The following MYO18A variants were observed in gnomAD, a reference collection of about 807,000 sequenced individuals.
The protein encoded by MYO18A is unconventional myosin-XVIIIa.
A neutral mutation model predicts 235.8 loss-of-function variants in MYO18A; 78 were observed. That is an observed-to-expected ratio of 0.33 (90% CI 0.28 to 0.40). The LOEUF (loss-of-function observed/expected upper bound fraction) is 0.40. Among genes scored for constraint, MYO18A ranks in the 10% least tolerant of loss-of-function variants. The pLI is 1.00. For missense variants in MYO18A, 2,215 were observed against 2,699.3 expected, an observed-to-expected ratio of 0.82 and a Z score of 3.98; for synonymous variants, 977 against 1,077.8, an observed-to-expected ratio of 0.91 and a Z score of 1.83.
At chr17:29,153,825 C>T (rs1053375987) in intron 2 of MYO18A, among the ~76,000 whole-genome samples, 8 of 152,084 alleles carry the variant, frequency 5.3e-5, no homozygotes, top group Non-Finnish European at 1.2e-4. Flanking sequence ...AGAAAATGGG[C>T]GGGACAAAGG....
At position 29,117,707 on chromosome 17, in the gene MYO18A, G is replaced by T. The variant is rs966040091; in HGVS notation, c.2038+338C>A. ...TCAGTTACCCGCTTGCTCCTCGGGG[G>T]CCTCTGTCAGGAAGGGAACAAGAAG... On this transcript the variant is annotated intron_variant, in intron 10 of 41. Coordinates refer to ENST00000527372, the MANE Select transcript of MYO18A (RefSeq NM_078471.4). The surrounding 1 kb of genome is among the most constrained non-coding windows in gnomAD (Gnocchi z 4.6). 4.6e-5 allele frequency among the ~76,000 whole-genome samples: 7 copies of T among 152,166 alleles called. No homozygotes were observed. Among genetic ancestry groups the T allele is most frequent in the Non-Finnish European group, 1.0e-4 (7 of 68,016 alleles).
At chr17:29,137,188 G>T (rs966208711) in intron 2 of MYO18A, 2 of 152,220 alleles carry the variant, frequency 1.3e-5, no homozygotes, top group Non-Finnish European at 2.9e-5. Flanking sequence ...CTGTTTGTGC[G>T]TCTTTGTCAT....
intron 2 of MYO18A, among the ~76,000 whole-genome samples, chr17:29,155,049 G>C (rs571101170): frequency 1.3e-5 from 2 of 152,288 alleles, no homozygotes; most frequent in Admixed American, 1.3e-4. Context: ...GTGTCACGGA[G>C]AGTCATGACA....
Position 29,115,438 on chromosome 17 carries a change from G to A in MYO18A, c.2231C>T (p.Pro744Leu), listed in dbSNP as rs370690699. The A allele has an allele frequency of 2.2e-5, 36 of 1,613,144 alleles. No homozygotes were observed. Among genetic ancestry groups the A allele is most frequent in the East Asian group, 1.3e-4 (6 of 44,888 alleles). The change falls in exon 13 of 42, where the codon CCG becomes CTG. Residue 744 changes from proline (P) to leucine (L), a missense_variant. Coordinates refer to ENST00000527372, the MANE Select transcript of MYO18A (RefSeq NM_078471.4). ...EESGLGDGTG[P>L]KLSALECLEG... ...AAGGCACTCCAGTGCACTCAGTTTC[G>A]GGCCTGTGGGGCAGGGGGAGCAGCG...
At chr17:29,081,167 T>A (rs533792703) in intron 41 of MYO18A, among the ~76,000 whole-genome samples, 1 of 151,904 alleles carries the variant, frequency 6.6e-6, no homozygotes, top group South Asian at 2.1e-4. Context: ...CCTGGCAAAG[T>A]GGTGGTGAGA....
At chr17:29,153,076 T>C (rs532015765) in intron 2 of MYO18A, among the ~76,000 whole-genome samples, 1 of 152,294 alleles carries the variant, frequency 6.6e-6, no homozygotes, top group Admixed American at 6.5e-5. Context: ...TATGTATTGA[T>C]TCATTTAATC....
intron 21 of MYO18A, among the ~76,000 whole-genome samples, chr17:29,101,945 C>T (rs1003680675): frequency 1.3e-5 from 2 of 152,168 alleles, no homozygotes; most frequent in African/African-American, 4.8e-5. Flanking sequence ...CTGAGCCCCC[C>T]CAGAGTCCTT....
intron 35 of MYO18A, 56 bp downstream of exon 35, chr17:29,090,754 A>G (rs1024612274): frequency 6.4e-7 from 1 of 1,554,606 alleles, no homozygotes; most frequent in African/African-American, 1.4e-5. Flanking sequence ...ACCCATGAGG[A>G]GGACCACAAG....
At chr17:29,089,419 C>CAAAAA (rs56389977) in intron 37 of MYO18A, among the ~76,000 whole-genome samples, 1 of 23,808 alleles carries the variant, frequency 4.2e-5, no homozygotes, top group Non-Finnish European at 7.5e-5. Context: ...GACTCTGTCT[C>CAAAAA]AAAAAAAAAA....
rs2067043319 is a variant in MYO18A at position 29,115,706 on chromosome 17, A to G, written c.2185T>C (p.Phe729Leu). ...KGGTLQRSTS[F>L]RQGPEESGLG... Reference sequence around the variant, plus strand: ...CCACTCTCCTCGGGGCCCTGGCGGAAGGAGGTGGAGCGCTGCAGGGTGCCA... The same window carrying G: ...CCACTCTCCTCGGGGCCCTGGCGGAGGGAGGTGGAGCGCTGCAGGGTGCCA... Residue 729 changes from phenylalanine to leucine, a missense_variant, in exon 12 of 42, where the codon TTC (phenylalanine) becomes CTC (leucine). By Grantham distance (22) the Phe-to-Leu change is conservative. Transcript: ENST00000527372. The G allele has an allele frequency of 2.5e-6, 4 of 1,606,686 alleles. No homozygotes were observed. The highest frequency in any genetic ancestry group is 3.4e-6 in the Non-Finnish European group (4 of 1,177,138).
At chr17:29,164,774 T>C (rs77559164) in intron 2 of MYO18A, among the ~76,000 whole-genome samples, 2,514 of 152,312 alleles carry the variant, frequency 0.017, 48 homozygotes, top group Middle Eastern at 0.041. Context: ...CCCCTGGGAT[T>C]AGTGAGCTTG....
chr17:29,121,576 G>T lies in MYO18A; in HGVS notation c.1342C>A (p.Arg448Ser). The T allele has an allele frequency of 1.2e-6, 2 of 1,604,104 alleles. No individual in the cohort carries two copies. Among genetic ancestry groups the T allele is most frequent in the Non-Finnish European group, 1.7e-6 (2 of 1,175,890 alleles). Residue 448 changes from arginine (R) to serine (S), a missense_variant, in exon 5 of 42, where the codon CGT (arginine) becomes AGT (serine). Coordinates refer to ENST00000527372, the MANE Select transcript of MYO18A (RefSeq NM_078471.4). This position sits in a 1 kb window ranked among gnomAD's most constrained non-coding sequence, Gnocchi z 4.2. ...AGPSLLVLGP[R>S]GAPAVYSEKV... ...TCAGAGTACACAGCAGGGGCCCCACGGGGGCCAAGAACCAGCAGGCTGGGG... is the reference window on the plus strand; with the variant it reads ...TCAGAGTACACAGCAGGGGCCCCACTGGGGCCAAGAACCAGCAGGCTGGGG...
chr17:29,140,536 G>C lies in MYO18A; in HGVS notation c.1000-18283C>G. 4 of 608,036 alleles carry C rather than the reference G, an allele frequency of 6.6e-6. No individual in the cohort carries two copies. The highest frequency in any genetic ancestry group is 9.4e-6 in the Non-Finnish European group (4 of 424,758). The allele number at this position is 608,036 out of a possible 1,614,324, so 37.7% of individuals were successfully genotyped here. A position where few individuals can be genotyped will look rare whatever the true frequency, so the allele number is the denominator to read the frequency against. ...GGACTTCGGGTATCAGGTATGCCAG[G>C]AGGGAGAGGGTGATACAGCAGTGTG... On this transcript the variant is annotated intron_variant, in intron 2 of 41. Coordinates refer to ENST00000527372, the MANE Select transcript of MYO18A (RefSeq NM_078471.4). The surrounding 1 kb of genome is among the most constrained non-coding windows in gnomAD (Gnocchi z 4.2).
chr17:29,079,824 C>G, intron 41 of MYO18A: 7 of 986,106 alleles, frequency 7.1e-6, no homozygotes, highest in Non-Finnish European at 8.4e-6. Flanking sequence ...GCCGGTGCGT[C>G]TGCCCAGTTT....
At chr17:29,128,977 A>G in intron 2 of MYO18A, 1 of 1,104,646 alleles carries the variant, frequency 9.1e-7, no homozygotes, top group Non-Finnish European at 1.2e-6. Flanking sequence ...GCAGAGATGG[A>G]GCATGGAGAG....
chr17:29,152,824 C>T (rs1567635603), intron 2 of MYO18A, among the ~76,000 whole-genome samples: 1 of 151,540 alleles, frequency 6.6e-6, no homozygotes, highest in African/African-American at 2.4e-5. Flanking sequence ...TGGGCTCAAG[C>T]GATCCTCCTG....
chr17:29,092,875 T>C lies in MYO18A; in HGVS notation c.5053A>G (p.Ile1685Val). 1.2e-6 allele frequency: 2 copies of C among 1,613,884 alleles called. No homozygotes were observed. Among genetic ancestry groups the C allele is most frequent in the South Asian group, 1.1e-5 (1 of 91,066 alleles). The change falls in exon 33 of 42, where the codon ATT becomes GTT. Residue 1685 changes from isoleucine (I) to valine (V), a missense_variant. Coordinates refer to ENST00000527372, the MANE Select transcript of MYO18A (RefSeq NM_078471.4). ...LKNSAPSKRE[I>V]AQLKNQLEES... ...GATACCTGGTTCTTGAGCTGGGCAATCTCTCGCTTGCTGGGAGCACTGTTC... is the reference window on the plus strand; with the variant it reads ...GATACCTGGTTCTTGAGCTGGGCAACCTCTCGCTTGCTGGGAGCACTGTTC...
In MYO18A at chr17:29,086,917, G is replaced by T; in HGVS notation, c.5712+19C>A. The T allele has an allele frequency of 1.2e-6, 2 of 1,604,284 alleles. No homozygotes were observed. Among genetic ancestry groups the T allele is most frequent in the Non-Finnish European group, 1.7e-6 (2 of 1,174,874 alleles). ...CAAGGGGCTGCCATGTGGGCCCCGT[G>T]GGGGACAGGGGGCATTACCAGTTCG... On this transcript the variant is annotated intron_variant, in intron 38 of 41. Transcript: ENST00000527372.
Position 29,111,994 on chromosome 17 carries a change from C to T in MYO18A, c.2599-131G>A, listed in dbSNP as rs1218880988. 1.8e-4 allele frequency: 210 copies of T among 1,175,216 alleles called. 1 individual carries two copies. Among genetic ancestry groups the T allele is most frequent in the Admixed American group, 2.6e-5 (1 of 38,278 alleles). The allele number at this position is 1,175,216 out of a possible 1,614,324, so 72.8% of individuals were successfully genotyped here. On this transcript the variant is annotated intron_variant, in intron 15 of 41. Transcript: ENST00000527372. This position sits in a 1 kb window ranked among gnomAD's most constrained non-coding sequence, Gnocchi z 5.1. ...ACATGCACACACGCACATGCCGCAG[C>T]TCCTGCCGCTCACTGCTGACACCTT...
Sources: allele counts gnomAD v4.1 joint callset (sites outside exome capture counted in the v4.1 genomes callset), GRCh38; gene constraint gnomAD v4.1.1; non-coding constraint Gnocchi (gnomAD v3.1); transcripts MANE v1.5; gene names NCBI Gene and HGNC (gene_info 2026-07-23, HGNC 2026-07-21).